CCDC91: variants seen among roughly 807,000 people sequenced by gnomAD.
CCDC91 encodes the protein coiled-coil domain containing 91.
A neutral mutation model predicts 63.2 loss-of-function variants in CCDC91; 48 were observed. The ratio of observed to expected loss-of-function variants is 0.76; its 90% CI spans 0.60 to 0.97. The LOEUF (loss-of-function observed/expected upper bound fraction) is 0.97. CCDC91 is among the 50% of genes least tolerant of loss of function. CCDC91 has a pLI of 0.00. For synonymous variants in CCDC91, 167 were observed against 165.8 expected, an observed-to-expected ratio of 1.01 and a Z score of -0.06; for missense variants, 500 against 494.6, an observed-to-expected ratio of 1.01 and a Z score of -0.10.
chr12:28,365,154 A>C (rs1031216161), intron 7 of CCDC91, among the ~76,000 whole-genome samples: 3 of 152,228 alleles, frequency 2.0e-5, no homozygotes, highest in African/African-American at 7.2e-5. Context: ...TCATCTTATA[A>C]CATCTGAAAA....
intron 12 of CCDC91, among the ~76,000 whole-genome samples, chr12:28,520,886 G>A: frequency 6.6e-6 from 1 of 152,014 alleles, no homozygotes; most frequent in Non-Finnish European, 1.5e-5. Context: ...GGTTGTAGAT[G>A]TGTGGTATTA....
intron 3 of CCDC91, among the ~76,000 whole-genome samples, chr12:28,299,509 A>T (rs1937802215): frequency 6.6e-6 from 1 of 151,514 alleles, no homozygotes; most frequent in African/African-American, 2.4e-5. Context: ...CTGTTTTAGG[A>T]TTTCTCATTC....
chr12:28,471,966 G>A (rs1046611429), intron 11 of CCDC91, among the ~76,000 whole-genome samples: 1 of 152,072 alleles, frequency 6.6e-6, no homozygotes, highest in Non-Finnish European at 1.5e-5. Flanking sequence ...GGCCAGGCTG[G>A]TCTCGAACTC....
At position 28,290,433 on chromosome 12, in the gene CCDC91, C is replaced by A. The variant is rs775484651; in HGVS notation, c.110-15216C>A. ...AGATGGGTCTCTTGAAGGCAGCATACCATTAGGTCTTTGTTCTTTATCCAG... is the reference window on the plus strand; with the variant it reads ...AGATGGGTCTCTTGAAGGCAGCATAACATTAGGTCTTTGTTCTTTATCCAG... On this transcript the variant is annotated intron_variant, in intron 3 of 12. Transcript: ENST00000536442. 2.0e-5 allele frequency among the ~76,000 whole-genome samples: 3 copies of A among 152,126 alleles called. No individual in the cohort carries two copies. The South Asian group carries it at 6.2e-4, about 32-fold the overall frequency.
At chr12:28,546,750 A>G (rs1943016817) in intron 12 of CCDC91, among the ~76,000 whole-genome samples, 1 of 152,116 alleles carries the variant, frequency 6.6e-6, no homozygotes, top group Admixed American at 6.6e-5. Flanking sequence ...AAAAGGAAAA[A>G]AAAACAAGAG....
intron 12 of CCDC91, among the ~76,000 whole-genome samples, chr12:28,524,712 G>A (rs1941099653): frequency 6.6e-6 from 1 of 152,074 alleles, no homozygotes; most frequent in Non-Finnish European, 1.5e-5. Context: ...TAAAGCTGTT[G>A]TGAATGCGTC....
At chr12:28,521,257 G>C (rs1030407310) in intron 12 of CCDC91, among the ~76,000 whole-genome samples, 4 of 152,092 alleles carry the variant, frequency 2.6e-5, no homozygotes, top group Admixed American at 1.3e-4. Flanking sequence ...TTGAGCAGTG[G>C]TTTGTAGTTC....
chr12:28,241,010 A>G (rs1382727870), intron 1 of CCDC91, among the ~76,000 whole-genome samples: 1 of 152,154 alleles, frequency 6.6e-6, no homozygotes, highest in Non-Finnish European at 1.5e-5. Flanking sequence ...TCAAACCACA[A>G]ATGTTTGAAA....
At chr12:28,330,683 G>GA (rs1213103624) in intron 6 of CCDC91, among the ~76,000 whole-genome samples, 1 of 151,854 alleles carries the variant, frequency 6.6e-6, no homozygotes, top group Non-Finnish European at 1.5e-5. Flanking sequence ...CATGAAGTCC[G>GA]ATTAAGGACA....
chr12:28,542,362 C>A (rs1486495600), intron 12 of CCDC91, among the ~76,000 whole-genome samples: 1 of 152,028 alleles, frequency 6.6e-6, no homozygotes, highest in East Asian at 1.9e-4. Context: ...TCTAAAAGAG[C>A]ATCTGTAATT....
At position 28,450,271 on chromosome 12, in the gene CCDC91, C is replaced by T. The variant is rs773771758; in HGVS notation, c.855+18C>T. On this transcript the variant is annotated intron_variant, in intron 9 of 12. Coordinates refer to ENST00000536442, the MANE Select transcript of CCDC91 (RefSeq NM_018318.5). Reference sequence around the variant, plus strand: ...AACAGAAGGTAATACTTTAACTGTGCTCAGAGTGTAGAAAGAATGTGTTCT... The same window carrying T: ...AACAGAAGGTAATACTTTAACTGTGTTCAGAGTGTAGAAAGAATGTGTTCT... 4 of 1,582,364 alleles carry T rather than the reference C, an allele frequency of 2.5e-6. No homozygotes were observed. Among genetic ancestry groups the T allele is most frequent in the African/African-American group, 2.7e-5 (2 of 74,126 alleles).
chr12:28,305,502 G>C, intron 3 of CCDC91, 147 bp from the exon 4 acceptor site: 1 of 686,146 alleles, frequency 1.5e-6, no homozygotes, highest in Middle Eastern at 3.8e-4. Flanking sequence ...AATAGTCATA[G>C]AATCCTGATT....
chr12:28,326,496 C>T (rs1330579387), intron 6 of CCDC91, among the ~76,000 whole-genome samples: 1 of 150,436 alleles, frequency 6.6e-6, no homozygotes, highest in Non-Finnish European at 1.5e-5. Flanking sequence ...GTGCGCTGCA[C>T]CCACTAACTC....
chr12:28,540,316 CATTTGTAT>C (rs1411477955), intron 12 of CCDC91, among the ~76,000 whole-genome samples: 1 of 151,964 alleles, frequency 6.6e-6, no homozygotes, highest in Admixed American at 6.6e-5. Flanking sequence ...TTCAGGGAAC[CATTTGTAT>C]ATTGCTATAA....
chr12:28,350,907 A>G (rs983813005), intron 6 of CCDC91, among the ~76,000 whole-genome samples: 3 of 152,116 alleles, frequency 2.0e-5, no homozygotes, highest in African/African-American at 7.2e-5. Context: ...TCTTTACCTC[A>G]TGGGTCCTTA....
intron 8 of CCDC91, among the ~76,000 whole-genome samples, chr12:28,436,782 A>G (rs1319187829): frequency 6.6e-6 from 1 of 151,850 alleles, no homozygotes; most frequent in Non-Finnish European, 1.5e-5. Context: ...ATCTCATACT[A>G]TGTATCTCAG....
At chr12:28,501,983 T>A (rs1937950103) in intron 12 of CCDC91, among the ~76,000 whole-genome samples, 1 of 152,060 alleles carries the variant, frequency 6.6e-6, no homozygotes. Flanking sequence ...GATTTTCTAG[T>A]TTATTTGCAT....
At chr12:28,477,272 A>G (rs1358804776) in intron 11 of CCDC91, among the ~76,000 whole-genome samples, 1 of 152,194 alleles carries the variant, frequency 6.6e-6, no homozygotes, top group Non-Finnish European at 1.5e-5. Flanking sequence ...CTTATCCACC[A>G]TGATCAAGTG....
chr12:28,322,622 A>C (rs1940623177), intron 6 of CCDC91, among the ~76,000 whole-genome samples: 1 of 151,690 alleles, frequency 6.6e-6, no homozygotes, highest in Non-Finnish European at 1.5e-5. Context: ...CTGTCATACA[A>C]ATTTTTTGAG....
Sources: gnomAD v4.1 joint callset for allele counts (sites outside exome capture counted in the v4.1 genomes callset) on GRCh38, gnomAD v4.1.1 for gene constraint, MANE v1.5 for transcripts, NCBI Gene and HGNC (gene_info 2026-07-23, HGNC 2026-07-21) for gene names.